Variants in HEPH observed in about 807,000 individuals in gnomAD.
HEPH encodes the protein hephaestin.
A neutral mutation model predicts 80.8 loss-of-function variants in HEPH; 69 were observed. The observed-to-expected ratio is 0.85, with a 90% CI of 0.70 to 1.04. HEPH has a LOEUF of 1.04. Ranked by LOEUF, HEPH falls within the 50% of genes least tolerant of loss-of-function variation. HEPH has a pLI of 0.00. For synonymous variants in HEPH, 431 were observed against 322.8 expected (o/e 1.34, Z -3.60); for missense variants, 1,115 against 891.3 (o/e 1.25, Z -3.20).
At chrX:66,186,901 G>T (rs5964497) in intron 4 of HEPH, among the ~76,000 whole-genome samples, 39,962 of 109,889 alleles carry the variant, frequency 0.36, 7,833 homozygotes, top group African/African-American at 0.76. Context: ...CTCAGACTTC[G>T]TAGGGGCTTT....
At position 66,255,132 on chromosome X, in the gene HEPH, T is replaced by A; in HGVS notation, c.2661T>A (p.Asp887Glu). The change falls in exon 16 of 21, where the codon GAT becomes GAA. Residue 887 changes from aspartate to glutamate, a missense_variant. Physicochemically the swap from Asp to Glu is conservative, Grantham distance 45 (BLOSUM62 2). Coordinates refer to ENST00000343002, the MANE Select transcript of HEPH (RefSeq NM_001367233.3). The part of the protein sequence containing the change: ...CVSWIYYSAV[D>E]PIKDMYSGLV... ...CCTGGATCTATTATTCTGCAGTGGA[T>A]CCCATCAAGGTAAATACAAGATTGG... is the stretch of plus-strand genomic sequence containing the variant. The A allele has an allele frequency of 8.4e-7, 1 of 1,194,513 alleles. No individual in the cohort carries two copies. The highest frequency in any genetic ancestry group is 1.1e-6 in the Non-Finnish European group (1 of 882,051).
chrX:66,174,992 C>T (rs908559407), intron 4 of HEPH, among the ~76,000 whole-genome samples: 3 of 111,320 alleles, frequency 2.7e-5, no homozygotes, highest in African/African-American at 9.8e-5. Context: ...TTGACTGTTC[C>T]TGTTGGCGTG....
rs373659834 is a variant in HEPH at position 66,248,543 on chromosome X, T to C, written c.2564-6492T>C. Among the ~76,000 whole-genome samples the C allele has an allele frequency of 1.5e-4, 17 of 112,392 alleles. No individual in the cohort carries two copies. In the East Asian group the frequency reaches 4.7e-3, roughly 31 times the overall value. On this transcript the variant is annotated intron_variant, in intron 15 of 20. Transcript: ENST00000343002. ...GTGCCAAAGAGAAGCCGTAAAGTGC[T>C]TCTTTTAGTGAAAAGGTGAAAGTTT...
intron 15 of HEPH, among the ~76,000 whole-genome samples, chrX:66,241,430 A>G (rs1013824007): frequency 2.7e-5 from 3 of 111,953 alleles, no homozygotes; most frequent in Non-Finnish European, 5.6e-5. Context: ...TCAAGAAAAC[A>G]GAAAACAAAA....
At chrX:66,228,099 G>T (rs999524917) in intron 15 of HEPH, among the ~76,000 whole-genome samples, 1 of 111,543 alleles carries the variant, frequency 9.0e-6, no homozygotes, top group Non-Finnish European at 1.9e-5. Context: ...CATGCAGCTG[G>T]GGAGACCTCA....
rs1187300671 is a variant in HEPH, at chrX:66,261,779, C to A, written c.3199+1517C>A. On this transcript the variant is annotated intron_variant, in intron 19 of 20. Transcript: ENST00000343002. ...TCCTATATAATTTAAAATATTTATT[C>A]TCTATCAACTAATACTGCTAGAATG... Among the ~76,000 whole-genome samples, 8 of 111,717 alleles carry A rather than the reference C, an allele frequency of 7.2e-5. 1 individual carries two copies. The highest frequency in any genetic ancestry group is 1.5e-4 in the Non-Finnish European group (8 of 53,098).
chrX:66,221,535 G>T (rs943837491), intron 15 of HEPH, among the ~76,000 whole-genome samples: 1 of 112,643 alleles, frequency 8.9e-6, no homozygotes, highest in Non-Finnish European at 1.9e-5. Context: ...TGCTGCCAGG[G>T]CCCTTAGACA....
intron 15 of HEPH, among the ~76,000 whole-genome samples, chrX:66,246,329 C>T (rs1269200764): frequency 1.8e-5 from 2 of 111,703 alleles, no homozygotes; most frequent in Non-Finnish European, 3.8e-5. Flanking sequence ...CTTTTTAAGA[C>T]AGCAGGGGGC....
At chrX:66,245,000 A>C (rs2090747059) in intron 15 of HEPH, among the ~76,000 whole-genome samples, 1 of 110,784 alleles carries the variant, frequency 9.0e-6, no homozygotes, top group Non-Finnish European at 1.9e-5. Flanking sequence ...GAAAACTTCC[A>C]TTTATGTGAA....
In HEPH at chrX:66,188,586, G is replaced by A. The variant is rs371772715; in HGVS notation, c.808+45G>A. On this transcript the variant is annotated intron_variant, in intron 5 of 20. Coordinates refer to ENST00000343002, the MANE Select transcript of HEPH (RefSeq NM_001367233.3). ...CCACATTGTGACAGGGAACATTGTT[G>A]GAGGGTATCCACTGGGCCTAGTATT... 338 of 1,093,311 alleles carry A rather than the reference G, an allele frequency of 3.1e-4. 1 individual carries two copies. Among genetic ancestry groups the A allele is most frequent in the Non-Finnish European group, 4.1e-4 (326 of 799,299 alleles). The allele number at this position is 1,093,311 out of a possible 1,213,427, so 90.1% of individuals were successfully genotyped here.
chrX:66,175,481 G>T (rs753541156), intron 4 of HEPH, among the ~76,000 whole-genome samples: 1 of 111,630 alleles, frequency 9.0e-6, no homozygotes, highest in African/African-American at 3.3e-5. Context: ...TCTTGCTTTG[G>T]CTATGCAGGC....
In HEPH at chrX:66,188,560, G is replaced by A. The variant is rs781356095; in HGVS notation, c.808+19G>A. ...ATGCATGGTGAGTTGGGAAAAGGTG[G>A]CCACATTGTGACAGGGAACATTGTT... On this transcript the variant is annotated intron_variant, in intron 5 of 20. Transcript: ENST00000343002. 8 of 1,178,128 alleles carry A rather than the reference G, an allele frequency of 6.8e-6. No individual in the cohort carries two copies. The highest frequency in any genetic ancestry group is 2.2e-5 in the Admixed American group (1 of 44,956).
At chrX:66,176,492 CT>C (rs1031518879) in intron 4 of HEPH, among the ~76,000 whole-genome samples, 1 of 111,330 alleles carries the variant, frequency 9.0e-6, no homozygotes, top group Non-Finnish European at 1.9e-5. Context: ...TGTAGTTTTC[CT>C]TTTTTTCTTT....
In HEPH at chrX:66,258,871, G is replaced by T; in HGVS notation, c.2928G>T (p.Arg976Ser). ...AINGKLYANL[R>S]GLTMYQGERV... is the part of the protein sequence containing the mutation. ...ATGGGAAACTCTATGCCAACCTTAG[G>T]GGTCTTACCATGTACCAAGGAGAAC... Residue 976 changes from arginine to serine, a missense_variant, in exon 18 of 21, where the codon AGG (arginine) becomes AGT (serine). By Grantham distance (110) the Arg-to-Ser change is moderately radical. Transcript: ENST00000343002. The T allele has an allele frequency of 4.2e-6, 5 of 1,182,092 alleles. No homozygotes were observed. Among genetic ancestry groups the T allele is most frequent in the Non-Finnish European group, 5.7e-6 (5 of 881,422 alleles).
intron 14 of HEPH, 92 bp from the exon 15 acceptor site, chrX:66,208,023 A>T (rs1174447708): frequency 2.1e-5 from 13 of 624,294 alleles, no homozygotes; most frequent in Middle Eastern, 5.2e-4. Context: ...CACTAATTCT[A>T]TGAAGTGCTC....
At chrX:66,175,220 A>G (rs947166258) in intron 4 of HEPH, among the ~76,000 whole-genome samples, 2 of 111,865 alleles carry the variant, frequency 1.8e-5, no homozygotes, top group Non-Finnish European at 3.8e-5. Context: ...AGTTTCTCTT[A>G]CATGTGGCTA....
At chrX:66,253,341 T>G (rs1315794969) in intron 15 of HEPH, among the ~76,000 whole-genome samples, 1 of 112,429 alleles carries the variant, frequency 8.9e-6, no homozygotes, top group African/African-American at 3.2e-5. Flanking sequence ...AAATGGATAT[T>G]AAGCACAAGA....
chrX:66,196,245 G>A (rs1011526), intron 9 of HEPH, among the ~76,000 whole-genome samples: 43,032 of 110,338 alleles, frequency 0.39, 9,518 homozygotes, highest in African/African-American at 0.86. Flanking sequence ...CTACTTCCAA[G>A]TGATTCAACA....
intron 15 of HEPH, among the ~76,000 whole-genome samples, chrX:66,224,155 ACTGT>A (rs2089778807): frequency 9.2e-6 from 1 of 109,039 alleles, no homozygotes; most frequent in Admixed American, 9.9e-5. Context: ...TGTGGACTAG[ACTGT>A]CTAAGGCCAC....
Sources: allele counts gnomAD v4.1 joint callset (sites outside exome capture counted in the v4.1 genomes callset), GRCh38; gene constraint gnomAD v4.1.1; transcripts MANE v1.5; gene names NCBI Gene and HGNC (gene_info 2026-07-23, HGNC 2026-07-21).